Variants in BMX observed in about 807,000 individuals in gnomAD.
The protein encoded by BMX is cytoplasmic tyrosine-protein kinase BMX.
Under a neutral mutation model 59.2 loss-of-function variants are expected in BMX, and 31 were observed. The observed-to-expected ratio is 0.52, with a 90% CI of 0.39 to 0.71. The LOEUF (loss-of-function observed/expected upper bound fraction) is 0.71. Among genes scored for constraint, BMX ranks in the 30% least tolerant of loss-of-function variants. BMX has a pLI of 0.00. For missense variants in BMX, 474 were observed against 491.7 expected (o/e 0.96, Z 0.34); for synonymous variants, 185 against 181.0 (o/e 1.02, Z -0.18).
chrX:15,510,538 T>G (rs1001562711), intron 3 of BMX, among the ~76,000 whole-genome samples: 15 of 110,661 alleles, frequency 1.4e-4, no homozygotes, highest in African/African-American at 4.6e-4. Context: ...ATTAAAAAAA[T>G]TACCCAATTG....
At chrX:15,511,138 C>T (rs770344490) in intron 3 of BMX, among the ~76,000 whole-genome samples, 66 of 111,939 alleles carry the variant, frequency 5.9e-4, no homozygotes, top group African/African-American at 2.1e-3. Flanking sequence ...TACTAAGACA[C>T]GTGTAATGTC....
chrX:15,525,200 A>C, intron 7 of BMX, 88 bp from the exon 8 acceptor site: 2 of 922,861 alleles, frequency 2.2e-6, no homozygotes, highest in Non-Finnish European at 3.0e-6. Context: ...AATAAAGCTA[A>C]AACATATCTG....
intron 4 of BMX, among the ~76,000 whole-genome samples, chrX:15,515,251 T>C: frequency 9.1e-6 from 1 of 110,123 alleles, no homozygotes; most frequent in East Asian, 2.9e-4. Context: ...CAAACCACCA[T>C]GGCACATGTA....
intron 16 of BMX, among the ~76,000 whole-genome samples, chrX:15,543,516 G>A (rs1409198643): frequency 9.1e-6 from 1 of 110,263 alleles, no homozygotes; most frequent in African/African-American, 3.3e-5. Flanking sequence ...TGAAATAATC[G>A]CATCATGGAG....
rs1305549193 is a variant in BMX at position 15,522,359 on chromosome X, G to A, written c.524G>A (p.Arg175Gln). The A allele has an allele frequency of 3.3e-6, 4 of 1,209,306 alleles. No individual in the cohort carries two copies. The highest frequency in any genetic ancestry group is 4.4e-5 in the Admixed American group (2 of 45,629). ...TCCCCTCCAAAGCTGAAGATACCTC[G>A]GGCAGTTCCTGTTCTCAAAATGGAT... ...TFPDRVLKIP[R>Q]AVPVLKMDAP... The change falls in exon 7 of 19, where the codon CGG (arginine) becomes CAG (glutamine). Residue 175 changes from arginine to glutamine, a missense_variant. Coordinates refer to ENST00000348343, the MANE Select transcript of BMX (RefSeq NM_203281.3).
Position 15,517,967 on chromosome X carries a change from A to C in BMX, c.484A>C (p.Arg162=), listed in dbSNP as rs1365756892. The C allele has an allele frequency of 8.3e-7, 1 of 1,206,811 alleles. No homozygotes were observed. Among genetic ancestry groups the C allele is most frequent in the Non-Finnish European group, 1.1e-6 (1 of 892,920 alleles). ...TACTGCAGTCAATGAAGAGAAACAC[A>C]GAGTTCCCACCTTCCCAGACAGAGT... ...LHTAVNEEKH[R]VPTFPDRVLK... is the part of the protein sequence containing the mutation. Residue 162 remains arginine (R), a synonymous_variant, in exon 6 of 19, where the codon AGA becomes CGA. Transcript: ENST00000348343.
intron 9 of BMX, among the ~76,000 whole-genome samples, chrX:15,527,142 C>T (rs1245612367): frequency 4.7e-5 from 4 of 84,351 alleles, no homozygotes; most frequent in South Asian, 1.5e-3. Context: ...TATGGTGAGC[C>T]GAGATGGCGC....
intron 15 of BMX, 46 bp from the exon 16 acceptor site, chrX:15,543,025 T>G (rs1925769568): frequency 8.8e-7 from 1 of 1,135,315 alleles, no homozygotes; most frequent in African/African-American, 1.8e-5. Context: ...TGTCAGGAGA[T>G]TCTTGGTCAC....
rs145317869 is a variant in BMX, at chrX:15,537,578, G to A, written c.1394+273G>A. Among the ~76,000 whole-genome samples the A allele has an allele frequency of 5.9e-3, 662 of 111,649 alleles. 1 individual carries two copies. Among genetic ancestry groups the A allele is most frequent in the Non-Finnish European group, 9.3e-3 (494 of 53,044 alleles). On this transcript the variant is annotated intron_variant, in intron 14 of 18. Transcript: ENST00000348343. Reference sequence around the variant, plus strand: ...CTACAAAGAAACCAGCCTCTGGCCTGTGGTCTTCCAAACTCCACCCCTCCT... The same window carrying A: ...CTACAAAGAAACCAGCCTCTGGCCTATGGTCTTCCAAACTCCACCCCTCCT...
chrX:15,539,738 A>G (rs1925560923), intron 14 of BMX, among the ~76,000 whole-genome samples: 1 of 112,732 alleles, frequency 8.9e-6, no homozygotes, highest in African/African-American at 3.2e-5. Flanking sequence ...AAATTAGATT[A>G]ATCATATAAG....
chrX:15,548,274 T>C (rs1317076540), intron 17 of BMX, among the ~76,000 whole-genome samples: 1 of 110,385 alleles, frequency 9.1e-6, no homozygotes, highest in Non-Finnish European at 1.9e-5. Context: ...CCAGCCAACA[T>C]GGCAAAAACT....
intron 18 of BMX, among the ~76,000 whole-genome samples, chrX:15,555,597 T>C (rs1601677214): frequency 9.0e-6 from 1 of 111,561 alleles, no homozygotes; most frequent in East Asian, 2.8e-4. Context: ...CACACTTTTT[T>C]AGTGTTTTAT....
At chrX:15,530,082 C>A in intron 10 of BMX, 55 bp downstream of exon 10, 1 of 1,083,824 alleles carries the variant, frequency 9.2e-7, no homozygotes, top group Middle Eastern at 2.5e-4. Context: ...ATTTTGGGGT[C>A]CAGAGGTTGA....
chrX:15,531,401 C>A lies in BMX; in HGVS notation c.1013C>A (p.Ala338Asp). Residue 338 changes from alanine to aspartate, a missense_variant, in exon 11 of 19, where the codon GCT becomes GAT. Physicochemically the swap from Ala to Asp is moderately radical, Grantham distance 126 (BLOSUM62 -2). Coordinates refer to ENST00000348343, the MANE Select transcript of BMX (RefSeq NM_203281.3). ...TACACAGTGTCCTTATTTAGTAAGG[C>A]TGTGAAGTAAGTATGATACGGATTA... Reference protein sequence around the residue: ...GMYTVSLFSKAVNDKKGTVKH... With the variant: ...GMYTVSLFSKDVNDKKGTVKH... 3 of 1,195,044 alleles carry A rather than the reference C, an allele frequency of 2.5e-6. No individual in the cohort carries two copies. The highest frequency in any genetic ancestry group is 3.4e-6 in the Non-Finnish European group (3 of 881,229).
chrX:15,542,997 T>C, intron 15 of BMX, 74 bp from the exon 16 acceptor site: 1 of 996,480 alleles, frequency 1.0e-6, no homozygotes, highest in South Asian at 2.1e-5. Context: ...CTGAGAATTC[T>C]ACTCAAAAGG....
chrX:15,524,830 C>T (rs761560503), intron 7 of BMX, among the ~76,000 whole-genome samples: 1 of 112,025 alleles, frequency 8.9e-6, no homozygotes, highest in South Asian at 3.7e-4. Context: ...TGATCTATGG[C>T]AGAGGATGAT....
intron 14 of BMX, among the ~76,000 whole-genome samples, chrX:15,539,085 T>G (rs1444871852): frequency 9.0e-6 from 1 of 111,144 alleles, no homozygotes; most frequent in Admixed American, 9.6e-5. Flanking sequence ...CCTTCAGTGA[T>G]TGGACTGTCA....
intron 14 of BMX, among the ~76,000 whole-genome samples, chrX:15,538,155 C>T (rs1404545400): frequency 9.2e-6 from 1 of 108,814 alleles, no homozygotes; most frequent in East Asian, 2.9e-4. Context: ...TCTCTTCCCC[C>T]TCTCTCTCTT....
chrX:15,534,327 C>A lies in BMX; in HGVS notation c.1135C>A (p.His379Asn). The change falls in exon 12 of 19, where the codon CAC (histidine) becomes AAC (asparagine). Residue 379 changes from histidine to asparagine, a missense_variant. His to Asn is a moderately conservative substitution (Grantham distance 68, BLOSUM62 1). Transcript: ENST00000348343. ...SIPKLIHYHQ[H>N]NSAGMITRLR... ...TCCAAAGCTTATTCATTATCATCAA[C>A]ACAATTCAGCAGGTAACTTATTTTA... 1.7e-6 allele frequency: 2 copies of A among 1,168,381 alleles called. No homozygotes were observed. Among genetic ancestry groups the A allele is most frequent in the Non-Finnish European group, 1.1e-6 (1 of 877,701 alleles).
Sources: allele counts gnomAD v4.1 joint callset (sites outside exome capture counted in the v4.1 genomes callset), GRCh38; gene constraint gnomAD v4.1.1; transcripts MANE v1.5; gene names NCBI Gene and HGNC (gene_info 2026-07-23, HGNC 2026-07-21).